Variants in ACOXL observed in about 807,000 individuals in gnomAD.
The protein encoded by ACOXL is acyl-coenzyme A oxidase-like protein.
ACOXL carries 70 observed loss-of-function variants against 71.9 expected under a neutral mutation model. The ratio of observed to expected loss-of-function variants is 0.97; its 90% CI spans 0.80 to 1.19. ACOXL has a LOEUF of 1.19. Among genes scored for constraint, ACOXL ranks in the 50% most tolerant of loss-of-function variants. The pLI is 0.00. For synonymous variants in ACOXL, 253 were observed against 281.6 expected, an observed-to-expected ratio of 0.90 and a Z score of 1.02; for missense variants, 703 against 736.3, an observed-to-expected ratio of 0.95 and a Z score of 0.52.
chr2:110,895,912 A>G (rs943853089), intron 10 of ACOXL, among the ~76,000 whole-genome samples: 1 of 152,136 alleles, frequency 6.6e-6, no homozygotes, highest in African/African-American at 2.4e-5. Flanking sequence ...AGGAAACAAT[A>G]AAAGAAAGAA....
intron 13 of ACOXL, among the ~76,000 whole-genome samples, chr2:110,991,321 A>AT (rs2063163062): frequency 6.6e-6 from 1 of 152,144 alleles, no homozygotes; most frequent in East Asian, 1.9e-4. Flanking sequence ...GCTCAGTCTC[A>AT]TTCAGATGTT....
chr2:110,923,241 A>G (rs2880192), intron 11 of ACOXL, among the ~76,000 whole-genome samples: 41,588 of 152,114 alleles, frequency 0.27, 6,588 homozygotes, highest in Non-Finnish European at 0.35. Flanking sequence ...CTTGTAAGGA[A>G]ATAGCTTCAT....
At chr2:110,985,414 G>A (rs1323236307) in intron 12 of ACOXL, among the ~76,000 whole-genome samples, 1 of 152,076 alleles carries the variant, frequency 6.6e-6, no homozygotes, top group Non-Finnish European at 1.5e-5. Flanking sequence ...AACCTATCTA[G>A]AGACGTAATT....
chr2:110,810,348 G>C (rs1357337733), intron 9 of ACOXL, among the ~76,000 whole-genome samples: 1 of 152,152 alleles, frequency 6.6e-6, no homozygotes, highest in Non-Finnish European at 1.5e-5. Flanking sequence ...GGCAGGGATT[G>C]TGTTTTTTTA....
intron 12 of ACOXL, among the ~76,000 whole-genome samples, chr2:110,965,137 T>G (rs2061871465): frequency 1.3e-5 from 2 of 152,234 alleles, no homozygotes; most frequent in African/African-American, 2.4e-5. Context: ...TCCATTCATG[T>G]AGCTGCAAAT....
intron 9 of ACOXL, among the ~76,000 whole-genome samples, chr2:110,829,214 T>C (rs1034345000): frequency 2.6e-5 from 4 of 152,222 alleles, no homozygotes; most frequent in Non-Finnish European, 5.9e-5. Context: ...ACTTTTCTTT[T>C]TGTGTCCTTT....
intron 12 of ACOXL, 46 bp downstream of exon 12, chr2:110,933,688 C>T: frequency 3.2e-6 from 5 of 1,569,654 alleles, no homozygotes; most frequent in Non-Finnish European, 4.3e-6. Context: ...ACGATACAAC[C>T]CACACTGGGG....
chr2:110,740,775 T>C (rs1677427450), intron 1 of ACOXL, among the ~76,000 whole-genome samples: 1 of 152,152 alleles, frequency 6.6e-6, no homozygotes, highest in African/African-American at 2.4e-5. Context: ...GACCTGATAG[T>C]GGGGAATCCA....
chr2:111,073,418 T>C (rs2067437162), intron 16 of ACOXL, among the ~76,000 whole-genome samples: 1 of 152,200 alleles, frequency 6.6e-6, no homozygotes, highest in Admixed American at 6.5e-5. Flanking sequence ...TAATTCATTT[T>C]GACCTGATTT....
chr2:111,010,119 T>A (rs1233151137), intron 14 of ACOXL, among the ~76,000 whole-genome samples: 1 of 151,802 alleles, frequency 6.6e-6, no homozygotes, highest in Non-Finnish European at 1.5e-5. Context: ...AAGAGAAAAA[T>A]CATCAAGAGA....
intron 12 of ACOXL, among the ~76,000 whole-genome samples, chr2:110,938,839 CT>C (rs34333677): frequency 0.2 from 29,182 of 147,888 alleles, 3,054 homozygotes; most frequent in East Asian, 0.37. Context: ...ACCCTGAACA[CT>C]TTTTTTTTTT....
intron 14 of ACOXL, among the ~76,000 whole-genome samples, chr2:111,012,286 T>C (rs957640288): frequency 1.3e-5 from 2 of 152,232 alleles, no homozygotes; most frequent in Non-Finnish European, 2.9e-5. Context: ...TTTTTTGAGG[T>C]GCCTACTTTT....
At chr2:110,752,512 C>G (rs1225346219) in intron 1 of ACOXL, among the ~76,000 whole-genome samples, 2 of 150,454 alleles carry the variant, frequency 1.3e-5, no homozygotes, top group Non-Finnish European at 1.5e-5. Context: ...AGGATAGCAG[C>G]TAGCACTTTC....
intron 11 of ACOXL, among the ~76,000 whole-genome samples, chr2:110,910,083 A>G (rs10864930): frequency 0.69 from 104,769 of 151,980 alleles, 36,400 homozygotes; most frequent in South Asian, 0.82. Flanking sequence ...AAACACTAAA[A>G]CCAAATACAA....
chr2:111,109,671 A>ATTTTTTTTTTT (rs869081161), intron 17 of ACOXL, among the ~76,000 whole-genome samples: 14 of 75,668 alleles, frequency 1.9e-4, no homozygotes, highest in Non-Finnish European at 2.6e-4. Flanking sequence ...TTCTCCTTCT[A>ATTTTTTTTTTT]TTTTTTTTTT....
chr2:110,886,841 T>C, intron 10 of ACOXL: 2 of 1,551,012 alleles, frequency 1.3e-6, no homozygotes, highest in Non-Finnish European at 1.7e-6. Flanking sequence ...GAGCCCCTCT[T>C]GTGGACCAGG....
intron 13 of ACOXL, among the ~76,000 whole-genome samples, chr2:110,992,018 T>C (rs1006663807): frequency 6.6e-6 from 1 of 152,206 alleles, no homozygotes; most frequent in African/African-American, 2.4e-5. Flanking sequence ...CCACAAATCA[T>C]CTGCCCTTTC....
intron 17 of ACOXL, among the ~76,000 whole-genome samples, chr2:111,113,413 A>C (rs1480890107): frequency 6.6e-6 from 1 of 152,214 alleles, no homozygotes; most frequent in Non-Finnish European, 1.5e-5. Flanking sequence ...AACACCGAAG[A>C]CCTTGGTTAC....
At chr2:110,791,044 A>G (rs1474839864) in intron 3 of ACOXL, among the ~76,000 whole-genome samples, 1 of 152,242 alleles carries the variant, frequency 6.6e-6, no homozygotes. Flanking sequence ...TGCCCCTCCC[A>G]GAAGGCACCT....
Sources: gnomAD v4.1 joint callset for allele counts (sites outside exome capture counted in the v4.1 genomes callset) on GRCh38, gnomAD v4.1.1 for gene constraint, MANE v1.5 for transcripts, NCBI Gene and HGNC (gene_info 2026-07-23, HGNC 2026-07-21) for gene names.